The following KLK6 variants were observed in gnomAD, a reference collection of about 807,000 sequenced individuals.
KLK6 encodes the protein kallikrein related peptidase 6, also known as kallikrein-6.
In KLK6, 16 loss-of-function variants were observed where a neutral mutation model predicts 21.7. The ratio of observed to expected loss-of-function variants is 0.74; its 90% CI spans 0.50 to 1.12. The LOEUF (loss-of-function observed/expected upper bound fraction) is 1.12. Ranked by LOEUF, KLK6 falls within the 50% of genes most tolerant of loss-of-function variation. The pLI is 0.00. For missense variants in KLK6, 276 were observed against 304.6 expected (o/e 0.91, Z 0.70); for synonymous variants, 116 against 120.1 (o/e 0.97, Z 0.22).
At chr19:50,964,622 T>C (rs544763379) in intron 4 of KLK6, among the ~76,000 whole-genome samples, 27 of 152,340 alleles carry the variant, frequency 1.8e-4, no homozygotes, top group Non-Finnish European at 3.8e-4. Context: ...AGCTCTAGGA[T>C]GTCAAGATGG....
At chr19:50,961,586 T>G (rs957852453) in intron 6 of KLK6, among the ~76,000 whole-genome samples, 158 bp downstream of exon 6, 1 of 152,174 alleles carries the variant, frequency 6.6e-6, no homozygotes, top group South Asian at 2.1e-4. Flanking sequence ...TTGAACTAAG[T>G]CTCTTCTTTT....
At chr19:50,964,048 G>A (rs933063929) in intron 4 of KLK6, among the ~76,000 whole-genome samples, 1 of 152,112 alleles carries the variant, frequency 6.6e-6, no homozygotes, top group Non-Finnish European at 1.5e-5. Flanking sequence ...GGCCTTGCAA[G>A]CACTGCCCCA....
In KLK6 at chr19:50,960,670, G is replaced by C. The variant is rs529317018; in HGVS notation, c.582+1074C>G. 2.0e-5 allele frequency among the ~76,000 whole-genome samples: 3 copies of C among 152,250 alleles called. No individual in the cohort carries two copies. The South Asian group carries it at 6.2e-4, about 32-fold the overall frequency. Reference sequence around the variant, plus strand: ...TGCAGTGGCGTGATCTCAGCTCACTGCAGCCTCTGCCTCCTGGGTTTAAGC... The same window carrying C: ...TGCAGTGGCGTGATCTCAGCTCACTCCAGCCTCTGCCTCCTGGGTTTAAGC... On this transcript the variant is annotated intron_variant, in intron 6 of 6. Coordinates refer to ENST00000310157, the MANE Select transcript of KLK6 (RefSeq NM_002774.4).
At chr19:50,965,153 G>A (rs2090904667) in intron 4 of KLK6, among the ~76,000 whole-genome samples, 3 of 152,214 alleles carry the variant, frequency 2.0e-5, no homozygotes, top group South Asian at 4.1e-4. Flanking sequence ...TGGATCTGCA[G>A]TGGTGTTCTG....
chr19:50,960,394 A>G (rs551963721), intron 6 of KLK6, among the ~76,000 whole-genome samples: 1 of 152,146 alleles, frequency 6.6e-6, no homozygotes, highest in East Asian at 1.9e-4. Flanking sequence ...CCCTCAGTGC[A>G]TTAGTCATTC....
rs763004318 is a variant in KLK6 at position 50,963,372 on chromosome 19, A to G, written c.375T>C (p.Leu125=). The G allele has an allele frequency of 1.1e-5, 18 of 1,614,154 alleles. No homozygotes were observed. The highest frequency in any genetic ancestry group is 1.5e-5 in the Non-Finnish European group (18 of 1,180,028). Residue 125 remains leucine, a synonymous_variant, in exon 5 of 7, where the codon CTT becomes CTC. Coordinates refer to ENST00000310157, the MANE Select transcript of KLK6 (RefSeq NM_002774.4). ...TGGCTGAGCAGTCCCTCTCCAGGGGAAGGGGCTGGATGAGTTCAGAGAGTT... is the reference window on the plus strand; with the variant it reads ...TGGCTGAGCAGTCCCTCTCCAGGGGGAGGGGCTGGATGAGTTCAGAGAGTT... ...PAKLSELIQP[L]PLERDCSANT...
chr19:50,963,000 C>G (rs1466327270), intron 5 of KLK6, among the ~76,000 whole-genome samples: 2 of 152,150 alleles, frequency 1.3e-5, no homozygotes, highest in African/African-American at 4.8e-5. Flanking sequence ...CCTTTGACAT[C>G]CTTCCTGATT....
At chr19:50,966,764 A>G (rs1287911036) in intron 4 of KLK6, among the ~76,000 whole-genome samples, 2 of 152,016 alleles carry the variant, frequency 1.3e-5, no homozygotes, top group Admixed American at 1.3e-4. Context: ...TCATGCCACT[A>G]CACTCCAGCC....
intron 4 of KLK6, among the ~76,000 whole-genome samples, chr19:50,966,025 C>G (rs1486809916): frequency 4.6e-5 from 7 of 152,100 alleles, no homozygotes; most frequent in Non-Finnish European, 1.0e-4. Context: ...TCATCTAGTC[C>G]CATGGCTTTA....
chr19:50,961,355 A>G (rs1348507737), intron 6 of KLK6, among the ~76,000 whole-genome samples: 1 of 144,010 alleles, frequency 6.9e-6, no homozygotes, highest in Admixed American at 7.0e-5. Context: ...TATTTTTAGT[A>G]GAGATAGGGT....
chr19:50,967,286 G>C lies in KLK6; in HGVS notation c.80C>G (p.Pro27Arg), dbSNP rs201586262. Residue 27 changes from proline (P) to arginine (R), a missense_variant, in exon 4 of 7, where the codon CCC becomes CGC. By Grantham distance (103) the Pro-to-Arg change is moderately radical (BLOSUM62 -2). Coordinates refer to ENST00000310157, the MANE Select transcript of KLK6 (RefSeq NM_002774.4). ...GTAGGGGTGAGATGTCTTGTCGCAG[G>C]GTCCGCCATGCACCAACTTATTCTG... ...EEQNKLVHGG[P>R]CDKTSHPYQA... The C allele has an allele frequency of 6.2e-6, 10 of 1,613,618 alleles. No individual in the cohort carries two copies. Among genetic ancestry groups the C allele is most frequent in the Non-Finnish European group, 7.6e-6 (9 of 1,179,770 alleles).
chr19:50,959,363 CTG>C (rs71185782), intron 6 of KLK6, 47 bp from the exon 7 acceptor site: 136,422 of 832,030 alleles, frequency 0.16, 3,784 homozygotes, highest in Admixed American at 0.25. Context: ...AACCCAGAGA[CTG>C]TGTGTGTGTG....
Position 50,962,933 on chromosome 19 carries a change from G to T in KLK6, c.445+369C>A, listed in dbSNP as rs544992885. Among the ~76,000 whole-genome samples, 58 of 152,122 alleles carry T rather than the reference G, an allele frequency of 3.8e-4. 1 individual carries two copies. The highest frequency in any genetic ancestry group is 1.8e-3 in the Admixed American group (28 of 15,266). Reference sequence around the variant, plus strand: ...TTTATTGGTTTCTCTTCTTCCATCAGTTCCTTCTCCATTATTCCTTCCTGC... The same window carrying T: ...TTTATTGGTTTCTCTTCTTCCATCATTTCCTTCTCCATTATTCCTTCCTGC... On this transcript the variant is annotated intron_variant, in intron 5 of 6. Coordinates refer to ENST00000310157, the MANE Select transcript of KLK6 (RefSeq NM_002774.4).
chr19:50,968,468 C>T (rs1443645421), intron 2 of KLK6, 73 bp downstream of exon 2: 7 of 315,180 alleles, frequency 2.2e-5, no homozygotes, highest in Admixed American at 4.3e-5. Context: ...GAGTTTTCCT[C>T]GGAGCCTGGC....
At chr19:50,961,949 C>A (rs1010540712) in intron 5 of KLK6, 69 bp from the exon 6 acceptor site, 5 of 1,550,428 alleles carry the variant, frequency 3.2e-6, no homozygotes, top group Non-Finnish European at 3.5e-6. Flanking sequence ...CAGTCACCCC[C>A]CAACCCCTAT....
At position 50,961,730 on chromosome 19, in the gene KLK6, C is replaced by T; in HGVS notation, c.582+14G>A. The T allele has an allele frequency of 6.2e-7, 1 of 1,611,268 alleles. No individual in the cohort carries two copies. The highest frequency in any genetic ancestry group is 8.5e-7 in the Non-Finnish European group (1 of 1,178,544). ...GTCCCTGGCTGTGTAAGTGGCAGAT[C>T]CGGGTCACCTCACCTGGCAGGAATC... On this transcript the variant is annotated intron_variant, in intron 6 of 6. Coordinates refer to ENST00000310157, the MANE Select transcript of KLK6 (RefSeq NM_002774.4).
chr19:50,967,123 C>G, intron 4 of KLK6, 46 bp downstream of exon 4: 2 of 1,611,316 alleles, frequency 1.2e-6, no homozygotes, highest in Non-Finnish European at 1.7e-6. Context: ...ATAAGACACC[C>G]TCAGGGTTCA....
Position 50,962,843 on chromosome 19 carries a change from C to A in KLK6, c.445+459G>T, listed in dbSNP as rs78833021. Reference sequence around the variant, plus strand: ...GGACCATTGATCCTTTCCCCTTAGTCCCTCTTCCATCAGCTATACCCCCAT... The same window carrying A: ...GGACCATTGATCCTTTCCCCTTAGTACCTCTTCCATCAGCTATACCCCCAT... On this transcript the variant is annotated intron_variant, in intron 5 of 6. Transcript: ENST00000310157. 6.2e-3 allele frequency: 1,088 copies of A among 176,506 alleles called. 11 individuals carry two copies. The highest frequency in any genetic ancestry group is 0.024 in the African/African-American group (1,039 of 42,652). The allele number at this position is 176,506 out of a possible 1,614,324, so 10.9% of individuals were successfully genotyped here. A position where few individuals can be genotyped will look rare whatever the true frequency, so the allele number is the denominator to read the frequency against.
At chr19:50,965,261 G>A (rs1178302879) in intron 4 of KLK6, among the ~76,000 whole-genome samples, 1 of 139,402 alleles carries the variant, frequency 7.2e-6, no homozygotes, top group East Asian at 2.2e-4. Context: ...AGCCACCACG[G>A]CCAGCCCAAT....
Sources: gnomAD v4.1 joint callset for allele counts (sites outside exome capture counted in the v4.1 genomes callset) on GRCh38, gnomAD v4.1.1 for gene constraint, MANE v1.5 for transcripts, NCBI Gene and HGNC (gene_info 2026-07-23, HGNC 2026-07-21) for gene names.